Variants in PRCC observed in about 807,000 individuals in gnomAD.
The protein encoded by PRCC is proline rich mitotic checkpoint control factor, also known as proline-rich protein PRCC.
A neutral mutation model predicts 44.0 loss-of-function variants in PRCC; 10 were observed. The ratio of observed to expected loss-of-function variants is 0.23; its 90% CI spans 0.14 to 0.39. The LOEUF (loss-of-function observed/expected upper bound fraction) is 0.39. Among genes scored for constraint, PRCC ranks in the 10% least tolerant of loss-of-function variants. PRCC has a pLI of 1.00. For missense variants in PRCC, 573 were observed against 624.7 expected (o/e 0.92, Z 0.88); for synonymous variants, 278 against 259.5 (o/e 1.07, Z -0.69).
intron 2 of PRCC, among the ~76,000 whole-genome samples, chr1:156,785,898 G>T (rs556917161): frequency 5.4e-5 from 8 of 149,328 alleles, no homozygotes; most frequent in Admixed American, 2.7e-4. Flanking sequence ...TGCAACCTCC[G>T]CTTCCTGGGT....
rs1246896335 is a variant in PRCC, at chr1:156,768,194, G to T, written c.423G>T (p.Arg141Ser). The T allele has an allele frequency of 3.2e-6, 5 of 1,548,994 alleles. No individual in the cohort carries two copies. The highest frequency in any genetic ancestry group is 4.4e-6 in the Non-Finnish European group (5 of 1,147,782). Residue 141 changes from arginine (R) to serine (S), a missense_variant, in exon 1 of 7, where the codon AGG (arginine) becomes AGT (serine). By Grantham distance (110) the Arg-to-Ser change is moderately radical. Around this residue, in one of 4 missense-constraint regions of PRCC, gnomAD observed 245 missense variants for 188.5 expected, o/e 1.30. Coordinates refer to ENST00000271526, the MANE Select transcript of PRCC (RefSeq NM_005973.5). Reference protein sequence around the residue: ...PPLGLPKPKKRKEPVKIAAPE... With the variant: ...PPLGLPKPKKSKEPVKIAAPE... ...TGGGGCTTCCCAAGCCAAAGAAGAG[G>T]AAAGAGCCCGTGAAGATCGCGGCGC... is the stretch of plus-strand genomic sequence containing the variant.
intron 1 of PRCC, among the ~76,000 whole-genome samples, chr1:156,779,103 AATATATATATATAT>A (rs1491379076): frequency 3.9e-4 from 11 of 28,004 alleles, no homozygotes; most frequent in African/African-American, 1.3e-3. Flanking sequence ...CCGGCCGGGT[AATATATATATATAT>A]ATATATATAT....
intron 2 of PRCC, among the ~76,000 whole-genome samples, chr1:156,783,197 G>C (rs966939762): frequency 6.6e-6 from 1 of 152,092 alleles, no homozygotes; most frequent in African/African-American, 2.4e-5. Flanking sequence ...GAGCCACCGC[G>C]CCTGGCCAGT....
intron 4 of PRCC, 66 bp from the exon 5 acceptor site, chr1:156,794,599 C>G: frequency 6.4e-7 from 1 of 1,567,720 alleles, no homozygotes; most frequent in Non-Finnish European, 8.7e-7. Flanking sequence ...TAAACTCTGG[C>G]TCTTTAGTGG....
chr1:156,773,308 CT>C, intron 1 of PRCC, among the ~76,000 whole-genome samples: 1 of 152,128 alleles, frequency 6.6e-6, no homozygotes, highest in African/African-American at 2.4e-5. Flanking sequence ...GAATGAGGCT[CT>C]GATAGATTAG....
Position 156,800,706 on chromosome 1 carries a change from G to T in PRCC, c.*246G>T. 1 of 418,408 alleles carries T rather than the reference G, an allele frequency of 2.4e-6. No individual in the cohort carries two copies. The allele number at this position is 418,408 out of a possible 1,614,324, so 25.9% of individuals were successfully genotyped here. A position where few individuals can be genotyped will look rare whatever the true frequency, so the allele number is the denominator to read the frequency against. ...CCGAAGGGGCTCTGAGTTCTGGGGT[G>T]GGAGTTTTGCTCTCTGTCAGGTGTG... On this transcript the variant is annotated 3_prime_UTR_variant, in exon 7 of 7. Transcript: ENST00000271526.
At chr1:156,777,486 C>G (rs1292444058) in intron 1 of PRCC, among the ~76,000 whole-genome samples, 5 of 151,920 alleles carry the variant, frequency 3.3e-5, no homozygotes, top group African/African-American at 1.2e-4. Flanking sequence ...TCCTTTATCC[C>G]CCACATTTAG....
chr1:156,776,177 G>A (rs1214250688), intron 1 of PRCC, among the ~76,000 whole-genome samples: 1 of 152,206 alleles, frequency 6.6e-6, no homozygotes, highest in East Asian at 1.9e-4. Context: ...GCAACAGAGT[G>A]AGACCCTGCC....
At position 156,780,096 on chromosome 1, in the gene PRCC, G is replaced by A. The variant is rs566257313; in HGVS notation, c.469-2186G>A. 8.7e-4 allele frequency among the ~76,000 whole-genome samples: 132 copies of A among 151,858 alleles called. 2 individuals carry two copies. The South Asian group carries it at 0.026, about 30-fold the overall frequency. ...TTTTGAGATGGAGTTTCACTCTGTCGCCTGTGCTGGAGTGCAGTGGCGTGA... is the reference window on the plus strand; with the variant it reads ...TTTTGAGATGGAGTTTCACTCTGTCACCTGTGCTGGAGTGCAGTGGCGTGA... On this transcript the variant is annotated intron_variant, in intron 1 of 6. Transcript: ENST00000271526.
intron 1 of PRCC, among the ~76,000 whole-genome samples, chr1:156,779,103 AATATATATATAT>A (rs1491379076): frequency 1.5e-3 from 43 of 28,010 alleles, no homozygotes; most frequent in African/African-American, 5.5e-3. Flanking sequence ...CCGGCCGGGT[AATATATATATAT>A]ATATATATAT....
Position 156,789,142 on chromosome 1 carries a change from G to T in PRCC, c.1083+1968G>T, listed in dbSNP as rs183532535. Among the ~76,000 whole-genome samples the T allele has an allele frequency of 5.4e-3, 816 of 152,058 alleles. 4 individuals carry two copies. The highest frequency in any genetic ancestry group is 0.014 in the Middle Eastern group (4 of 294). ...CCGCCACCATGCCTGGCTAATTTTTGTATTTTTAGTAGAGACTGGGTTTCA... is the reference window on the plus strand; with the variant it reads ...CCGCCACCATGCCTGGCTAATTTTTTTATTTTTAGTAGAGACTGGGTTTCA... On this transcript the variant is annotated intron_variant, in intron 3 of 6. Coordinates refer to ENST00000271526, the MANE Select transcript of PRCC (RefSeq NM_005973.5).
At chr1:156,791,676 T>C in intron 3 of PRCC, 21 bp from the exon 4 acceptor site, 1 of 1,603,800 alleles carries the variant, frequency 6.2e-7, no homozygotes, top group Non-Finnish European at 8.5e-7. Context: ...TGGTGTGTTT[T>C]TCTTTCCTGT....
In PRCC at chr1:156,800,589, C is replaced by A; in HGVS notation, c.*129C>A. ...CCCAAGGACCCAGCCCTCGCCTCTG[C>A]GAGAATGAACATATTTGATAGATTT... is the stretch of plus-strand genomic sequence containing the variant. On this transcript the variant is annotated 3_prime_UTR_variant, in exon 7 of 7. Transcript: ENST00000271526. The A allele has an allele frequency of 1.2e-6, 1 of 826,046 alleles. No individual in the cohort carries two copies. Among genetic ancestry groups the A allele is most frequent in the Non-Finnish European group, 2.0e-6 (1 of 509,400 alleles). 51.2% of individuals were successfully genotyped at this position (826,046 alleles called of 1,614,324 possible).
At chr1:156,786,089 C>T (rs1432923148) in intron 2 of PRCC, among the ~76,000 whole-genome samples, 2 of 152,080 alleles carry the variant, frequency 1.3e-5, no homozygotes, top group African/African-American at 2.4e-5. Flanking sequence ...GGATTACAGG[C>T]GTGAGCCACC....
chr1:156,791,742 G>T lies in PRCC; in HGVS notation c.1129G>T (p.Val377Phe). ...GYYPAQDPAL[V>F]PPQEIAPDAS... ...CTATCCTGCACAGGACCCGGCCCTG[G>T]TCCCCCCCCAGGAAATTGCCCCAGA... The change falls in exon 4 of 7, where the codon GTC becomes TTC. Residue 377 changes from valine (V) to phenylalanine (F), a missense_variant. Val to Phe is a conservative substitution (Grantham distance 50). Coordinates refer to ENST00000271526, the MANE Select transcript of PRCC (RefSeq NM_005973.5). 1.2e-6 allele frequency: 2 copies of T among 1,613,818 alleles called. No homozygotes were observed. Among genetic ancestry groups the T allele is most frequent in the Admixed American group, 3.3e-5 (2 of 59,968 alleles).
At chr1:156,800,155 A>G (rs1437199368) in intron 6 of PRCC, among the ~76,000 whole-genome samples, 2 of 152,012 alleles carry the variant, frequency 1.3e-5, no homozygotes, top group Admixed American at 1.3e-4. Flanking sequence ...TTGAGTCTTT[A>G]TTTTGCTTAA....
At chr1:156,773,317 TAG>T (rs1332043147) in intron 1 of PRCC, among the ~76,000 whole-genome samples, 1 of 152,050 alleles carries the variant, frequency 6.6e-6, no homozygotes, top group East Asian at 1.9e-4. Context: ...TCTGATAGAT[TAG>T]CAGATCCCAC....
chr1:156,799,219 ATAGAC>A (rs1652764481), intron 6 of PRCC, among the ~76,000 whole-genome samples: 1 of 152,266 alleles, frequency 6.6e-6, no homozygotes, highest in Non-Finnish European at 1.5e-5. Context: ...AATGATAAAA[ATAGAC>A]TAGTACCTAC....
At chr1:156,787,743 C>T (rs1001089561) in intron 3 of PRCC, among the ~76,000 whole-genome samples, 2 of 143,314 alleles carry the variant, frequency 1.4e-5, no homozygotes, top group Non-Finnish European at 3.0e-5. Flanking sequence ...CTCTGCCTCC[C>T]GAGTTCAAGT....
Sources: gnomAD v4.1 joint callset for allele counts (sites outside exome capture counted in the v4.1 genomes callset) on GRCh38, gnomAD v4.1.1 for gene constraint, gnomAD v4.1.1 regional missense constraint, MANE v1.5 for transcripts, NCBI Gene and HGNC (gene_info 2026-07-23, HGNC 2026-07-21) for gene names.